PDIA5: variants seen among roughly 807,000 people sequenced by gnomAD.
The protein encoded by PDIA5 is protein disulfide isomerase family A member 5, also known as protein disulfide-isomerase A5.
In PDIA5, 58 loss-of-function variants were observed where a neutral mutation model predicts 77.6. That is an observed-to-expected ratio of 0.75 (90% CI 0.61 to 0.93). The LOEUF (loss-of-function observed/expected upper bound fraction) is 0.93. PDIA5 is among the 40% of genes least tolerant of loss of function. The probability of loss-of-function intolerance (pLI) is 0.00; values close to 1 mark genes in which losing one functional copy is unlikely to be tolerated. For missense variants in PDIA5, 630 were observed against 647.7 expected (o/e 0.97, Z 0.30); for synonymous variants, 250 against 252.1 (o/e 0.99, Z 0.08).
intron 5 of PDIA5, among the ~76,000 whole-genome samples, chr3:123,104,434 G>C (rs922452456): frequency 1.3e-5 from 2 of 152,176 alleles, no homozygotes; most frequent in African/African-American, 4.8e-5. Flanking sequence ...TTTCTCCTGG[G>C]ACCCTGACTC....
intron 3 of PDIA5, among the ~76,000 whole-genome samples, chr3:123,093,277 G>GTT (rs1934346213): frequency 1.3e-5 from 2 of 152,084 alleles, no homozygotes; most frequent in South Asian, 4.1e-4. Context: ...GTGTGTGTGT[G>GTT]TGTGGCCTCA....
intron 15 of PDIA5, among the ~76,000 whole-genome samples, chr3:123,155,462 G>A (rs1208640165): frequency 6.6e-6 from 1 of 152,232 alleles, no homozygotes; most frequent in Non-Finnish European, 1.5e-5. Flanking sequence ...TAAGTGAAAG[G>A]CTCCTGCAGC....
In PDIA5 at chr3:123,072,949, GTGT is replaced by G. The variant is rs1933764513; in HGVS notation, c.42+5751_42+5753del. On this transcript the variant is annotated intron_variant, in intron 1 of 16. Coordinates refer to ENST00000316218, the MANE Select transcript of PDIA5 (RefSeq NM_006810.4). ...GTGTGTGTGTGTGTGTGTGTATGTG[GTGT>G]TGTTGTTTTTAACACCTGGCATCTT... Among the ~76,000 whole-genome samples the G allele has an allele frequency of 4.2e-5, 4 of 96,258 alleles. No homozygotes were observed. The East Asian group carries it at 9.2e-4, about 22-fold the overall frequency. The allele number at this position is 96,258 out of a possible 152,430, so 63.1% of individuals were successfully genotyped here.
intron 6 of PDIA5, among the ~76,000 whole-genome samples, chr3:123,110,432 G>A (rs914569632): frequency 2.6e-5 from 4 of 152,126 alleles, no homozygotes; most frequent in Non-Finnish European, 5.9e-5. Context: ...AGAGATTAGT[G>A]GGTATGGGTT....
intron 11 of PDIA5, among the ~76,000 whole-genome samples, chr3:123,139,107 G>A (rs1282303473): frequency 1.3e-5 from 2 of 152,160 alleles, no homozygotes; most frequent in Non-Finnish European, 2.9e-5. Flanking sequence ...CACGGAAATC[G>A]GAGTAAGTGC....
chr3:123,157,563 G>A (rs1936049086), intron 15 of PDIA5, among the ~76,000 whole-genome samples: 1 of 152,164 alleles, frequency 6.6e-6, no homozygotes, highest in South Asian at 2.1e-4. Context: ...CTTCTTAGCT[G>A]GAATTGTGGG....
chr3:123,147,298 A>G (rs1281744684), intron 13 of PDIA5, among the ~76,000 whole-genome samples: 1 of 152,030 alleles, frequency 6.6e-6, no homozygotes, highest in Non-Finnish European at 1.5e-5. Context: ...AGCCCACCCT[A>G]ATGACCTCAT....
intron 1 of PDIA5, among the ~76,000 whole-genome samples, chr3:123,068,758 T>C (rs1230436884): frequency 2.6e-5 from 4 of 152,228 alleles, no homozygotes; most frequent in Non-Finnish European, 4.4e-5. Flanking sequence ...AAACACACAT[T>C]GTACCTGCCG....
intron 6 of PDIA5, among the ~76,000 whole-genome samples, chr3:123,109,686 G>A (rs1481613535): frequency 1.3e-5 from 2 of 151,604 alleles, no homozygotes; most frequent in African/African-American, 2.4e-5. Flanking sequence ...TGCACCTTCA[G>A]CAGAAAGAAA....
At chr3:123,148,265 G>A (rs1445325828) in intron 13 of PDIA5, among the ~76,000 whole-genome samples, 1 of 152,124 alleles carries the variant, frequency 6.6e-6, no homozygotes, top group African/African-American at 2.4e-5. Flanking sequence ...TGATGTGGAA[G>A]TACTCAAAAA....
chr3:123,102,530 G>GAA (rs1934627093), intron 4 of PDIA5, 36 bp downstream of exon 4: 1 of 1,471,686 alleles, frequency 6.8e-7, no homozygotes, highest in Admixed American at 1.7e-5. Context: ...TTCCAAGTAA[G>GAA]TGCCAAATGC....
chr3:123,086,424 G>A (rs528297320), intron 1 of PDIA5, among the ~76,000 whole-genome samples: 1 of 152,210 alleles, frequency 6.6e-6, no homozygotes, highest in African/African-American at 2.4e-5. Flanking sequence ...CTGCAAAAAG[G>A]CAGGAGGCTG....
At chr3:123,119,689 T>G (rs192702515) in intron 8 of PDIA5, among the ~76,000 whole-genome samples, 1 of 152,304 alleles carries the variant, frequency 6.6e-6, no homozygotes. Context: ...CTTTTTGTCT[T>G]CACACACAGA....
intron 10 of PDIA5, among the ~76,000 whole-genome samples, chr3:123,129,694 C>A (rs552740436): frequency 6.6e-6 from 1 of 152,182 alleles, no homozygotes; most frequent in Non-Finnish European, 1.5e-5. Flanking sequence ...AGGGCCCCTG[C>A]GAGCCTCCCT....
intron 15 of PDIA5, 40 bp from the exon 16 acceptor site, chr3:123,161,281 G>A: frequency 6.2e-7 from 1 of 1,603,414 alleles, no homozygotes; most frequent in Non-Finnish European, 8.5e-7. Context: ...GCCTCAGCCT[G>A]GGGACACCCT....
At position 123,150,338 on chromosome 3, in the gene PDIA5, A is replaced by G. The variant is rs1323040913; in HGVS notation, c.1247A>G (p.His416Arg). 6.2e-7 allele frequency: 1 copy of G among 1,613,930 alleles called. No homozygotes were observed. Reference sequence around the variant, plus strand: ...CGGGAGACCCTGAAGAAGAAGAAACACACCTTGGTCATGTTCTACGCCCCT... The same window carrying G: ...CGGGAGACCCTGAAGAAGAAGAAACGCACCTTGGTCATGTTCTACGCCCCT... ...NFRETLKKKK[H>R]TLVMFYAPWC... is the part of the protein sequence containing the mutation. The change falls in exon 14 of 17, where the codon CAC (histidine) becomes CGC (arginine). Residue 416 changes from histidine to arginine, a missense_variant. Physicochemically the swap from His to Arg is conservative, Grantham distance 29 (BLOSUM62 0). Transcript: ENST00000316218.
chr3:123,072,629 AG>A (rs1428245986), intron 1 of PDIA5, among the ~76,000 whole-genome samples: 1 of 152,188 alleles, frequency 6.6e-6, no homozygotes, highest in Non-Finnish European at 1.5e-5. Context: ...GGGGTGGTGC[AG>A]AAGGGCTCAG....
Position 123,092,357 on chromosome 3 carries a change from G to A in PDIA5, c.172G>A (p.Val58Met), listed in dbSNP as rs772836946. The A allele has an allele frequency of 6.8e-6, 11 of 1,612,868 alleles. No individual in the cohort carries two copies. The highest frequency in any genetic ancestry group is 8.5e-6 in the Non-Finnish European group (10 of 1,179,102). ...NVLVLYSKSEVAAENHLRLLS... is the reference protein window; with the variant it reads ...NVLVLYSKSEMAAENHLRLLS... ...AATTTTTTGTTTTTTTTTTACAGAG[G>A]TGGCAGCTGAAAATCATCTCAGGTT... The change falls in exon 3 of 17, where the codon GTG becomes ATG. Residue 58 changes from valine (V) to methionine (M), a missense_variant and splice_region_variant. Physicochemically the swap from Val to Met is conservative, Grantham distance 21. Transcript: ENST00000316218.
At chr3:123,151,842 T>C (rs1433604682) in intron 14 of PDIA5, among the ~76,000 whole-genome samples, 4 of 148,454 alleles carry the variant, frequency 2.7e-5, no homozygotes, top group East Asian at 2.0e-4. Context: ...CCTGCCTGCC[T>C]GCCTTCCTTC....
Sources: allele counts gnomAD v4.1 joint callset (sites outside exome capture counted in the v4.1 genomes callset), GRCh38; gene constraint gnomAD v4.1.1; transcripts MANE v1.5; gene names NCBI Gene and HGNC (gene_info 2026-07-23, HGNC 2026-07-21).